The following HSF2 variants were observed in gnomAD, a reference collection of about 807,000 sequenced individuals.
HSF2 encodes the protein heat shock transcription factor 2, also known as heat shock factor protein 2.
In HSF2, 21 loss-of-function variants were observed where a neutral mutation model predicts 65.0. The observed-to-expected ratio is 0.32, with a 90% confidence interval of 0.23 to 0.47. HSF2 has a LOEUF of 0.47. HSF2 is among the 20% of genes least tolerant of loss of function. The pLI, the probability that HSF2 is intolerant of heterozygous loss-of-function variation, is 1.00. For missense variants in HSF2, 499 were observed against 628.1 expected, an observed-to-expected ratio of 0.79 and a Z score of 2.20; for synonymous variants, 225 against 219.1, an observed-to-expected ratio of 1.03 and a Z score of -0.24.
chr6:122,413,314 T>TA (rs1003482883), intron 3 of HSF2, among the ~76,000 whole-genome samples: 34 of 79,864 alleles, frequency 4.3e-4, no homozygotes, highest in East Asian at 1.9e-3. Context: ...TTTTTAACAT[T>TA]AAAAAAAAAT....
intron 5 of HSF2, among the ~76,000 whole-genome samples, chr6:122,418,631 G>A (rs1418098822): frequency 4.6e-5 from 7 of 151,474 alleles, no homozygotes; most frequent in South Asian, 2.1e-4. Context: ...TTTTTCTTTG[G>A]TTGCAAGCAG....
intron 1 of HSF2, among the ~76,000 whole-genome samples, chr6:122,400,997 A>G (rs1210699012): frequency 6.6e-6 from 1 of 152,192 alleles, no homozygotes; most frequent in African/African-American, 2.4e-5. Flanking sequence ...ACAGGGAGTG[A>G]GCACCATATT....
chr6:122,414,854 T>C (rs772736563), intron 4 of HSF2, among the ~76,000 whole-genome samples: 85 of 152,210 alleles, frequency 5.6e-4, no homozygotes, highest in Non-Finnish European at 1.1e-3. Flanking sequence ...TGACCTCAAG[T>C]GATCCGCCCA....
At chr6:122,399,851 C>T in intron 1 of HSF2, 21 bp downstream of exon 1, 1 of 1,572,286 alleles carries the variant, frequency 6.4e-7, no homozygotes, top group Non-Finnish European at 8.7e-7. Flanking sequence ...GCCACGGCGG[C>T]CTCTGAACCC....
chr6:122,422,998 CTTTG>C, intron 9 of HSF2, 41 bp downstream of exon 9: 2 of 1,602,490 alleles, frequency 1.2e-6, no homozygotes, highest in Non-Finnish European at 1.7e-6. Context: ...TATTTGCTTT[CTTTG>C]TTCACTTCAC....
At chr6:122,411,279 C>T (rs1773987988) in intron 1 of HSF2, among the ~76,000 whole-genome samples, 1 of 151,672 alleles carries the variant, frequency 6.6e-6, no homozygotes, top group Admixed American at 6.6e-5. Context: ...TACTCACATC[C>T]TTGCTCGTTT....
intron 9 of HSF2, 61 bp downstream of exon 9, chr6:122,423,018 C>A: frequency 6.4e-7 from 1 of 1,571,112 alleles, no homozygotes; most frequent in Non-Finnish European, 8.7e-7. Flanking sequence ...TTCACATGTT[C>A]TGTTTCTCTT....
rs368142981 is a variant in HSF2 at position 122,408,894 on chromosome 6, A to AG, written c.94-3477dup. 2.6e-3 allele frequency among the ~76,000 whole-genome samples: 380 copies of AG among 147,600 alleles called. 2 individuals carry two copies. The highest frequency in any genetic ancestry group is 9.0e-3 in the African/African-American group (361 of 39,948). On this transcript the variant is annotated intron_variant, in intron 1 of 12. Coordinates refer to ENST00000368455, the MANE Select transcript of HSF2 (RefSeq NM_004506.4). ...TCAAATGTTGTCGGGTGACTTAGTG[A>AG]GGAAGGGACTTGGTAGAATGGAAGA...
intron 5 of HSF2, among the ~76,000 whole-genome samples, chr6:122,418,260 G>A (rs1298599615): frequency 6.6e-6 from 1 of 152,132 alleles, no homozygotes; most frequent in African/African-American, 2.4e-5. Context: ...AGTTGGCAAT[G>A]TAATTTCAAG....
intron 1 of HSF2, among the ~76,000 whole-genome samples, chr6:122,408,097 C>T (rs1773908640): frequency 6.6e-6 from 1 of 152,110 alleles, no homozygotes; most frequent in African/African-American, 2.4e-5. Context: ...ACTCCAAATA[C>T]CATCATATCA....
Position 122,416,299 on chromosome 6 carries a change from A to G in HSF2, c.531+3A>G. The G allele has an allele frequency of 6.2e-7, 1 of 1,604,638 alleles. No homozygotes were observed. Among genetic ancestry groups the G allele is most frequent in the South Asian group, 1.1e-5 (1 of 90,760 alleles). On this transcript the variant is annotated splice_donor_region_variant and intron_variant, in intron 5 of 12. Coordinates refer to ENST00000368455, the MANE Select transcript of HSF2 (RefSeq NM_004506.4). ...AACAGCAACAAGTTATTCGAAAGGTAAGAAGCTCTTTTCCCCAGGACCATA... is the reference window on the plus strand; with the variant it reads ...AACAGCAACAAGTTATTCGAAAGGTGAGAAGCTCTTTTCCCCAGGACCATA...
Position 122,403,451 on chromosome 6 carries a change from A to G in HSF2, c.93+3621A>G, listed in dbSNP as rs1051054367. Among the ~76,000 whole-genome samples the G allele has an allele frequency of 4.6e-5, 7 of 152,078 alleles. No homozygotes were observed. In the East Asian group the frequency reaches 5.8e-4, roughly 13 times the overall value. ...TGAAACCCTGTCTCTACAAAAAAAT[A>G]CAGAAAGTAGCCAGGTATGGTGGCG... On this transcript the variant is annotated intron_variant, in intron 1 of 12. Coordinates refer to ENST00000368455, the MANE Select transcript of HSF2 (RefSeq NM_004506.4).
rs2114444713 is a variant in HSF2, at chr6:122,420,153, T to C, written c.612T>C (p.Thr204=). The C allele has an allele frequency of 3.1e-6, 5 of 1,610,904 alleles. No individual in the cohort carries two copies. Among genetic ancestry groups the C allele is most frequent in the African/African-American group, 1.3e-5 (1 of 74,916 alleles). ...TTTTCAGGCCTCTACTTCTAAACAC[T>C]AATGGAGCCCAAAAGAAGAACCTGT... The part of the protein sequence containing the change: ...LKRKRPLLLN[T]NGAQKKNLFQ... Residue 204 remains threonine (T), a synonymous_variant, in exon 7 of 13, where the codon ACT becomes ACC. Coordinates refer to ENST00000368455, the MANE Select transcript of HSF2 (RefSeq NM_004506.4).
intron 7 of HSF2, among the ~76,000 whole-genome samples, chr6:122,421,768 A>G (rs1774239586): frequency 6.6e-6 from 1 of 152,152 alleles, no homozygotes; most frequent in Non-Finnish European, 1.5e-5. Flanking sequence ...AGCTGAAACA[A>G]TATCCCTATC....
rs201391717 is a variant in HSF2 at position 122,423,644 on chromosome 6, A to C, written c.1134A>C (p.Leu378=). The part of the protein sequence containing the change: ...DCSLEDFQAM[L]SGRQFSIDPD... ...GTTTAGAGGACTTCCAGGCCATGCTATCAGGAAGACAATTTAGCATAGACC... is the reference window on the plus strand; with the variant it reads ...GTTTAGAGGACTTCCAGGCCATGCTCTCAGGAAGACAATTTAGCATAGACC... Residue 378 remains leucine, a synonymous_variant, in exon 10 of 13, where the codon CTA becomes CTC. Coordinates refer to ENST00000368455, the MANE Select transcript of HSF2 (RefSeq NM_004506.4). The C allele has an allele frequency of 6.2e-7, 1 of 1,610,770 alleles. No individual in the cohort carries two copies. Among genetic ancestry groups the C allele is most frequent in the Non-Finnish European group, 8.5e-7 (1 of 1,177,892 alleles).
rs1170168525 is a variant in HSF2 at position 122,416,269 on chromosome 6, T to C, written c.504T>C (p.His168=). 1 of 1,611,862 alleles carries C rather than the reference T, an allele frequency of 6.2e-7. No homozygotes were observed. The highest frequency in any genetic ancestry group is 1.7e-5 in the Admixed American group (1 of 60,000). ...AGGTGTCAGAATTACGAGCAAAGCA[T>C]GCACAACAGCAACAAGTTATTCGAA... ...WKEVSELRAK[H]AQQQQVIRKI... is the part of the protein sequence containing the mutation. The change falls in exon 5 of 13, where the codon CAT becomes CAC. Residue 168 remains histidine, a synonymous_variant. Coordinates refer to ENST00000368455, the MANE Select transcript of HSF2 (RefSeq NM_004506.4).
chr6:122,405,018 G>A (rs1773835325), intron 1 of HSF2, among the ~76,000 whole-genome samples: 1 of 152,078 alleles, frequency 6.6e-6, no homozygotes, highest in Admixed American at 6.6e-5. Flanking sequence ...TATTTGTTAT[G>A]AATCTGTTAT....
At chr6:122,405,356 C>T (rs1170083597) in intron 1 of HSF2, among the ~76,000 whole-genome samples, 3 of 151,476 alleles carry the variant, frequency 2.0e-5, no homozygotes, top group African/African-American at 7.3e-5. Context: ...AACTGTGTGT[C>T]GGTTAAGATG....
intron 5 of HSF2, 51 bp downstream of exon 5, chr6:122,416,347 C>T (rs1429907357): frequency 1.6e-6 from 2 of 1,214,144 alleles, no homozygotes; most frequent in South Asian, 1.2e-5. Context: ...TTAATGAGTA[C>T]TGTTTGTGAC....
Sources: allele counts gnomAD v4.1 joint callset (sites outside exome capture counted in the v4.1 genomes callset), GRCh38; gene constraint gnomAD v4.1.1; transcripts MANE v1.5; gene names NCBI Gene and HGNC (gene_info 2026-07-23, HGNC 2026-07-21).